Variants in WDR62 observed in about 807,000 individuals in gnomAD.
The protein encoded by WDR62 is WD repeat domain 62, also known as WD repeat-containing protein 62.
WDR62 carries 112 observed loss-of-function variants against 160.6 expected under a neutral mutation model. That is an observed-to-expected ratio of 0.70 (90% CI 0.60 to 0.82). WDR62 has a LOEUF of 0.82. Among genes scored for constraint, WDR62 ranks in the 40% least tolerant of loss-of-function variants. The probability of loss-of-function intolerance (pLI) is 0.00; values close to 1 mark genes in which losing one functional copy is unlikely to be tolerated. For missense variants in WDR62, 1,819 were observed against 1,983.8 expected, an observed-to-expected ratio of 0.92 and a Z score of 1.58; for synonymous variants, 792 against 815.1, an observed-to-expected ratio of 0.97 and a Z score of 0.48.
At position 36,059,061 on chromosome 19, in the gene WDR62, G is replaced by A. The variant is rs988657005; in HGVS notation, c.269+190G>A. On this transcript the variant is annotated intron_variant, in intron 2 of 31. Transcript: ENST00000401500. ...TGTCTAGAACAGTTCCTGGCATGTA[G>A]TGAGTGCAATGAAAGCCTTTATTAT... The A allele has an allele frequency of 3.0e-5, 21 of 710,882 alleles. No individual in the cohort carries two copies. In the African/African-American group the frequency reaches 3.3e-4, roughly 11 times the overall value. The allele number at this position is 710,882 out of a possible 1,614,324, so 44.0% of individuals were successfully genotyped here. A position where few individuals can be genotyped will look rare whatever the true frequency, so the allele number is the denominator to read the frequency against.
intron 24 of WDR62, 40 bp from the exon 25 acceptor site, chr19:36,101,624 G>C: frequency 6.7e-7 from 1 of 1,482,836 alleles, no homozygotes; most frequent in South Asian, 1.2e-5. Context: ...TCACCAGAAT[G>C]GTCAGGCTGT....
In WDR62 at chr19:36,103,914, C is replaced by G; in HGVS notation, c.4086C>G (p.Asn1362Lys). 1 of 1,599,420 alleles carries G rather than the reference C, an allele frequency of 6.3e-7. No individual in the cohort carries two copies. Among genetic ancestry groups the G allele is most frequent in the Non-Finnish European group, 8.5e-7 (1 of 1,179,942 alleles). The change falls in exon 30 of 32, where the codon AAC becomes AAG. Residue 1362 changes from asparagine (N) to lysine (K), a missense_variant. By Grantham distance (94) the Asn-to-Lys change is moderately conservative (BLOSUM62 0). Transcript: ENST00000401500. ...ESPGLPAHPS[N>K]PQLPEARPGI... Reference sequence around the variant, plus strand: ...CTGGCCTTCCTGCCCACCCCAGTAACCCCCAGCTTCCAGAGGCCCGGCCTG... The same window carrying G: ...CTGGCCTTCCTGCCCACCCCAGTAAGCCCCAGCTTCCAGAGGCCCGGCCTG...
At chr19:36,066,772 G>C (rs567012774) in intron 5 of WDR62, among the ~76,000 whole-genome samples, 1 of 152,318 alleles carries the variant, frequency 6.6e-6, no homozygotes, top group South Asian at 2.1e-4. Context: ...GCTGGGCTTT[G>C]GAACAGCTGT....
Position 36,102,089 on chromosome 19 carries a change from C to G in WDR62, c.3158C>G (p.Thr1053Ser). Reference sequence around the variant, plus strand: ...GTCCCCAGCAGCTCCCTACCCCAGACTCCGGAGCAGGAGAAGTTCCTCCGC... The same window carrying G: ...GTCCCCAGCAGCTCCCTACCCCAGAGTCCGGAGCAGGAGAAGTTCCTCCGC... ...PSVPSSSLPQ[T>S]PEQEKFLRHH... is the part of the protein sequence containing the mutation. Residue 1053 changes from threonine to serine, a missense_variant, in exon 26 of 32, where the codon ACT (threonine) becomes AGT (serine). Physicochemically the swap from Thr to Ser is moderately conservative, Grantham distance 58. Transcript: ENST00000401500. The G allele has an allele frequency of 3.7e-6, 6 of 1,614,176 alleles. No individual in the cohort carries two copies. The highest frequency in any genetic ancestry group is 5.1e-6 in the Non-Finnish European group (6 of 1,180,028).
chr19:36,109,758 A>AC (rs1777348885), downstream of WDR62, among the ~76,000 whole-genome samples: 1 of 136,548 alleles, frequency 7.3e-6, no homozygotes, highest in Non-Finnish European at 1.6e-5. Flanking sequence ...AACAAAACAA[A>AC]AAAAATAAAA....
intron 16 of WDR62, 126 bp from the exon 17 acceptor site, chr19:36,091,074 G>A (rs1479713327): frequency 2.6e-6 from 2 of 772,624 alleles, no homozygotes; most frequent in South Asian, 2.9e-5. Flanking sequence ...TCGAATGGGA[G>A]CGGGAGCTCC....
At chr19:36,101,475 T>A in intron 24 of WDR62, 158 bp downstream of exon 24, 1 of 822,074 alleles carries the variant, frequency 1.2e-6, no homozygotes, top group Admixed American at 2.1e-5. Context: ...TGGGCCCAGC[T>A]GCCTACAGCT....
At chr19:36,071,772 G>A (rs181002392) in intron 8 of WDR62, 56 bp downstream of exon 8, 19 of 1,573,772 alleles carry the variant, frequency 1.2e-5, no homozygotes, top group Admixed American at 5.2e-5. Context: ...CTGTCCACTG[G>A]CATTCATCCA....
intron 1 of WDR62, among the ~76,000 whole-genome samples, chr19:36,057,512 G>A (rs1341449275): frequency 1.5e-5 from 2 of 129,136 alleles, no homozygotes; most frequent in African/African-American, 3.3e-5. Flanking sequence ...TTCCTCAACT[G>A]TTTTGTTCCT....
At chr19:36,097,240 G>A (rs1435224370) in intron 21 of WDR62, among the ~76,000 whole-genome samples, 161 bp downstream of exon 21, 2 of 152,206 alleles carry the variant, frequency 1.3e-5, no homozygotes, top group African/African-American at 4.8e-5. Context: ...CATGATCAGT[G>A]CTCTCTGCCA....
At chr19:36,094,785 A>G (rs1972858756) in intron 20 of WDR62, among the ~76,000 whole-genome samples, 1 of 151,408 alleles carries the variant, frequency 6.6e-6, no homozygotes. Context: ...TGTAGTCCCA[A>G]CTACATGGGA....
rs1972482404 is a variant in WDR62, at chr19:36,089,856, T to C, written c.1958+550T>C. 2.0e-5 allele frequency among the ~76,000 whole-genome samples: 3 copies of C among 152,334 alleles called. 1 individual carries two copies. In the South Asian group the frequency reaches 6.2e-4, roughly 32 times the overall value. On this transcript the variant is annotated intron_variant, in intron 15 of 31. Coordinates refer to ENST00000401500, the MANE Select transcript of WDR62 (RefSeq NM_001083961.2). Reference sequence around the variant, plus strand: ...GTGTGGGATGACTAAGGTGCTGATGTGGCACATAAACTCCCTCATTCACCC... The same window carrying C: ...GTGTGGGATGACTAAGGTGCTGATGCGGCACATAAACTCCCTCATTCACCC...
rs369730381 is a variant in WDR62, at chr19:36,066,436, C to T, written c.561+9C>T. The stretch of plus-strand genomic sequence containing the variant: ...ACGTCTGGGACTGGAAGGTAAGAGC[C>T]GACCAGCAGGCCTGTGGCAGGCAGC... On this transcript the variant is annotated intron_variant, in intron 5 of 31. Coordinates refer to ENST00000401500, the MANE Select transcript of WDR62 (RefSeq NM_001083961.2). 17 of 1,585,450 alleles carry T rather than the reference C, an allele frequency of 1.1e-5. No homozygotes were observed. In the Admixed American group the frequency reaches 1.3e-4, roughly 12 times the overall value.
At chr19:36,067,687 G>A in intron 6 of WDR62, 141 bp from the exon 7 acceptor site, 2 of 1,092,244 alleles carry the variant, frequency 1.8e-6, no homozygotes, top group Non-Finnish European at 2.7e-6. Flanking sequence ...TCTGTCCAGA[G>A]TGGCAGGGTT....
intron 9 of WDR62, chr19:36,076,059 A>G (rs1971555592): frequency 1.3e-5 from 2 of 152,128 alleles, no homozygotes; most frequent in South Asian, 2.1e-4. Flanking sequence ...GTTTTAATCT[A>G]TTGTAATTAT....
At chr19:36,079,075 T>G (rs1386870520) in intron 9 of WDR62, among the ~76,000 whole-genome samples, 2 of 151,470 alleles carry the variant, frequency 1.3e-5, no homozygotes, top group African/African-American at 4.9e-5. Flanking sequence ...TTTGTGGGGG[T>G]GGGGTGGCAT....
chr19:36,102,744 C>G lies in WDR62; in HGVS notation c.3228C>G (p.Phe1076Leu). Residue 1076 changes from phenylalanine (F) to leucine (L), a missense_variant, in exon 27 of 32, where the codon TTC becomes TTG. By Grantham distance (22) the Phe-to-Leu change is conservative (BLOSUM62 0). Around this residue, in one of 3 missense-constraint regions of WDR62, gnomAD observed 770 missense variants for 734.2 expected, o/e 1.05. Transcript: ENST00000401500. ...CTCGGGATCTTCCCCTAGAGCTCTT[C>G]CCCGCAGCTCTGGGAGACGTGGAGG... ...TLTESPCREL[F>L]PAALGDVEAS... 1 of 1,614,042 alleles carries G rather than the reference C, an allele frequency of 6.2e-7. No homozygotes were observed. Among genetic ancestry groups the G allele is most frequent in the South Asian group, 1.1e-5 (1 of 91,086 alleles).
intron 13 of WDR62, among the ~76,000 whole-genome samples, chr19:36,088,058 A>G (rs781211573): frequency 6.6e-6 from 1 of 152,080 alleles, no homozygotes; most frequent in African/African-American, 2.4e-5. Flanking sequence ...CCTCCCTTAT[A>G]TGGGGCTCAC....
chr19:36,101,349 A>G, intron 24 of WDR62, 32 bp downstream of exon 24: 1 of 1,568,322 alleles, frequency 6.4e-7, no homozygotes. Context: ...ACCCTGTGAC[A>G]GTCTGTGCGT....
Sources: allele counts gnomAD v4.1 joint callset (sites outside exome capture counted in the v4.1 genomes callset), GRCh38; gene constraint gnomAD v4.1.1; regional missense constraint gnomAD v4.1.1; transcripts MANE v1.5; gene names NCBI Gene and HGNC (gene_info 2026-07-23, HGNC 2026-07-21).